Variants in MAP2K5 observed in about 807,000 individuals in gnomAD.
MAP2K5 encodes the protein dual specificity mitogen-activated protein kinase kinase 5.
In MAP2K5, 49 loss-of-function variants were observed where a neutral mutation model predicts 83.1. The observed-to-expected ratio is 0.59, with a 90% CI of 0.47 to 0.75. The LOEUF (loss-of-function observed/expected upper bound fraction) is 0.75, where lower values mean the gene tolerates loss of function less well. MAP2K5 is among the 30% of genes least tolerant of loss of function. The pLI is 0.00. For missense variants in MAP2K5, 457 were observed against 557.5 expected (o/e 0.82, Z 1.82); for synonymous variants, 202 against 191.8 (o/e 1.05, Z -0.44).
At chr15:67,709,832 A>G (rs1248947153) in intron 16 of MAP2K5, among the ~76,000 whole-genome samples, 6 of 152,210 alleles carry the variant, frequency 3.9e-5, no homozygotes, top group Non-Finnish European at 8.8e-5. Flanking sequence ...TAGCCTTGCA[A>G]TTTGCAGTAT....
Position 67,608,913 on chromosome 15 carries a change from C to T in MAP2K5, c.545+8164C>T, listed in dbSNP as rs117104217. Among the ~76,000 whole-genome samples the T allele has an allele frequency of 8.6e-3, 1,309 of 152,216 alleles. 43 individuals carry two copies. The highest frequency in any genetic ancestry group is 0.064 in the Admixed American group (979 of 15,282). ...GGTGGGAGTCCTCACAGGGCCAGCA[C>T]GGTGCCTTACCTACTGTAGGCACTT... On this transcript the variant is annotated intron_variant, in intron 8 of 21. Coordinates refer to ENST00000178640, the MANE Select transcript of MAP2K5 (RefSeq NM_145160.3).
chr15:67,713,565 G>C (rs563451505), intron 16 of MAP2K5, among the ~76,000 whole-genome samples: 1 of 152,082 alleles, frequency 6.6e-6, no homozygotes, highest in East Asian at 1.9e-4. Context: ...GCAAAACCCC[G>C]TCTCTACTAA....
intron 7 of MAP2K5, among the ~76,000 whole-genome samples, chr15:67,593,393 G>A (rs1375984244): frequency 6.6e-6 from 1 of 152,198 alleles, no homozygotes; most frequent in African/African-American, 2.4e-5. Flanking sequence ...CAGAGTGACA[G>A]CAGACCTTTG....
chr15:67,795,160 A>G (rs1437458341), intron 21 of MAP2K5, among the ~76,000 whole-genome samples: 1 of 152,102 alleles, frequency 6.6e-6, no homozygotes, highest in Non-Finnish European at 1.5e-5. Flanking sequence ...ATTTGTGGTT[A>G]TGTATCTTTT....
In MAP2K5 at chr15:67,781,013, G is replaced by C. The variant is rs1321927830; in HGVS notation, c.1242+8261G>C. ...CTCCTGGCTAGCACCATCTTTGCCT[G>C]TTAGATTGATGACAGGGGACCCGAA... On this transcript the variant is annotated intron_variant, in intron 21 of 21. Transcript: ENST00000178640. The surrounding 1 kb of genome is among the most constrained non-coding windows in gnomAD (Gnocchi z 4.0). Among the ~76,000 whole-genome samples the C allele has an allele frequency of 6.6e-6, 1 of 152,208 alleles. No individual in the cohort carries two copies. Among genetic ancestry groups the C allele is most frequent in the Non-Finnish European group, 1.5e-5 (1 of 68,034 alleles).
rs1021552902 is a variant in MAP2K5, at chr15:67,724,404, T to G, written c.1045-3512T>G. ...TCGTTCTTTTTTATTTATTTATTTA[T>G]TTATTTTTTGAGTTAGGGTCTCACT... is the stretch of plus-strand genomic sequence containing the variant. On this transcript the variant is annotated intron_variant, in intron 16 of 21. Coordinates refer to ENST00000178640, the MANE Select transcript of MAP2K5 (RefSeq NM_145160.3). This position sits in a 1 kb window ranked among gnomAD's most constrained non-coding sequence, Gnocchi z 4.4. Among the ~76,000 whole-genome samples the G allele has an allele frequency of 2.6e-5, 4 of 152,160 alleles. No homozygotes were observed. Among genetic ancestry groups the G allele is most frequent in the African/African-American group, 9.6e-5 (4 of 41,488 alleles).
chr15:67,568,756 C>T (rs1256688889), intron 3 of MAP2K5, among the ~76,000 whole-genome samples: 1 of 152,030 alleles, frequency 6.6e-6, no homozygotes, highest in African/African-American at 2.4e-5. Flanking sequence ...CCTGTAATCC[C>T]AGCACTTTGG....
intron 6 of MAP2K5, among the ~76,000 whole-genome samples, chr15:67,589,783 A>ATGTG (rs10584480): frequency 0.012 from 1,869 of 150,214 alleles, 33 homozygotes; most frequent in African/African-American, 0.038. Flanking sequence ...GTGTGTGTGT[A>ATGTG]TGTGTGTGTG....
rs372503235 is a variant in MAP2K5 at position 67,806,809 on chromosome 15, C to T, written c.*59C>T. ...TAACCAAGGAGAACAACCCACCCGT[C>T]GCCCTTCTCCGTATGCTGCCTGCGC... is the stretch of plus-strand genomic sequence containing the variant. On this transcript the variant is annotated 3_prime_UTR_variant, in exon 22 of 22. Coordinates refer to ENST00000178640, the MANE Select transcript of MAP2K5 (RefSeq NM_145160.3). 9.6e-5 allele frequency: 153 copies of T among 1,597,672 alleles called. 1 individual carries two copies. In the African/African-American group the frequency reaches 1.0e-3, roughly 11 times the overall value.
intron 6 of MAP2K5, among the ~76,000 whole-genome samples, chr15:67,591,877 C>T (rs186233252): frequency 1.3e-5 from 2 of 151,728 alleles, no homozygotes; most frequent in African/African-American, 4.8e-5. Context: ...TTTGGGAGGC[C>T]GAGGCGGGCA....
In MAP2K5 at chr15:67,760,837, C is replaced by G. The variant is rs1313917406; in HGVS notation, c.1135-8765C>G. Among the ~76,000 whole-genome samples the G allele has an allele frequency of 6.6e-6, 1 of 151,982 alleles. No individual in the cohort carries two copies. Among genetic ancestry groups the G allele is most frequent in the Non-Finnish European group, 1.5e-5 (1 of 67,980 alleles). ...GCCATAGGACAATGCTCATTTAATC[C>G]ACCATGATGGGACCTACACACCCTG... On this transcript the variant is annotated intron_variant, in intron 19 of 21. Transcript: ENST00000178640. This position sits in a 1 kb window ranked among gnomAD's most constrained non-coding sequence, Gnocchi z 4.1.
intron 12 of MAP2K5, among the ~76,000 whole-genome samples, chr15:67,664,057 C>A (rs1211030898): frequency 6.6e-6 from 1 of 152,056 alleles, no homozygotes; most frequent in Non-Finnish European, 1.5e-5. Context: ...GCACTTATTT[C>A]TTTCATTTGG....
chr15:67,773,490 T>C (rs1395618568), intron 21 of MAP2K5, among the ~76,000 whole-genome samples: 1 of 152,210 alleles, frequency 6.6e-6, no homozygotes, highest in Non-Finnish European at 1.5e-5. Flanking sequence ...AGCAAATTCC[T>C]ACCAATTTTC....
intron 17 of MAP2K5, among the ~76,000 whole-genome samples, chr15:67,745,695 A>C (rs2089590722): frequency 6.6e-6 from 1 of 152,240 alleles, no homozygotes; most frequent in Non-Finnish European, 1.5e-5. Context: ...CAGAAAAAGG[A>C]GATAATACAT....
chr15:67,568,741 T>C (rs995380554), intron 3 of MAP2K5, among the ~76,000 whole-genome samples: 10 of 152,058 alleles, frequency 6.6e-5, no homozygotes, highest in African/African-American at 2.4e-4. Flanking sequence ...GCGCGGTGGC[T>C]CACTCCTGTA....
At chr15:67,678,948 G>A (rs929650596) in intron 13 of MAP2K5, among the ~76,000 whole-genome samples, 9 of 118,266 alleles carry the variant, frequency 7.6e-5, no homozygotes, top group African/African-American at 2.9e-4. Flanking sequence ...TGGCAACCGA[G>A]TGACACTGCA....
chr15:67,662,345 T>G (rs1233006056), intron 12 of MAP2K5, among the ~76,000 whole-genome samples: 1 of 152,180 alleles, frequency 6.6e-6, no homozygotes, highest in Non-Finnish European at 1.5e-5. Flanking sequence ...CCCTAACCTT[T>G]TCTTACCATT....
intron 20 of MAP2K5, among the ~76,000 whole-genome samples, chr15:67,772,341 TAA>T (rs2090158027): frequency 6.6e-6 from 1 of 152,232 alleles, no homozygotes; most frequent in Non-Finnish European, 1.5e-5. Flanking sequence ...TCTCTAAATA[TAA>T]GTTTGAAATA....
At chr15:67,546,477 T>C (rs191937265) in intron 1 of MAP2K5, 25 of 462,778 alleles carry the variant, frequency 5.4e-5, no homozygotes, top group Non-Finnish European at 2.0e-5. Flanking sequence ...TCACTGTGCA[T>C]CAAATAGCTG....
Sources: gnomAD v4.1 joint callset for allele counts (sites outside exome capture counted in the v4.1 genomes callset) on GRCh38, gnomAD v4.1.1 for gene constraint, Gnocchi (gnomAD v3.1) non-coding constraint, MANE v1.5 for transcripts, NCBI Gene and HGNC (gene_info 2026-07-23, HGNC 2026-07-21) for gene names.